The following SPINK8 variants were observed in gnomAD, a reference collection of about 807,000 sequenced individuals.
SPINK8 encodes the protein serine protease inhibitor Kazal-type 8.
SPINK8 carries 12 observed loss-of-function variants against 14.4 expected under a neutral mutation model. The ratio of observed to expected loss-of-function variants is 0.83; its 90% confidence interval spans 0.53 to 1.35. The LOEUF is 1.35. SPINK8 is among the 40% of genes most tolerant of loss of function. The probability of loss-of-function intolerance (pLI) is 0.00; values close to 1 mark genes in which losing one functional copy is unlikely to be tolerated. For missense variants in SPINK8, 103 were observed against 117.0 expected (o/e 0.88, Z 0.55); for synonymous variants, 32 against 37.6 (o/e 0.85, Z 0.55).
chr3:48,330,814 TAGTC>T (rs1196840112), intron 2 of SPINK8, among the ~76,000 whole-genome samples: 1 of 102,808 alleles, frequency 9.7e-6, no homozygotes, highest in Non-Finnish European at 2.6e-5. Context: ...TACAAATTCT[TAGTC>T]AGCCTAAGAA....
intron 7 of SPINK8, among the ~76,000 whole-genome samples, chr3:48,308,376 TAG>T (rs1163385290): frequency 1.3e-5 from 2 of 152,218 alleles, no homozygotes; most frequent in African/African-American, 4.8e-5. Context: ...AGAGCCTTGG[TAG>T]AGAGACAGAA....
At chr3:48,327,432 G>T (rs562428345) in intron 4 of SPINK8, among the ~76,000 whole-genome samples, 24 of 152,278 alleles carry the variant, frequency 1.6e-4, no homozygotes, top group Admixed American at 5.9e-4. Flanking sequence ...ACAAGGAAAG[G>T]GTGATTTGCA....
chr3:48,325,752 C>A (rs1001107280), intron 4 of SPINK8, among the ~76,000 whole-genome samples: 3 of 151,982 alleles, frequency 2.0e-5, no homozygotes, highest in Non-Finnish European at 2.9e-5. Context: ...CATGCACCAC[C>A]ATGGCTGGCT....
At chr3:48,333,033 G>T (rs1450976487) in intron 1 of SPINK8, among the ~76,000 whole-genome samples, 2 of 151,896 alleles carry the variant, frequency 1.3e-5, no homozygotes, top group African/African-American at 4.8e-5. Flanking sequence ...GTCATTATTA[G>T]TTGGGGAAGG....
intron 4 of SPINK8, among the ~76,000 whole-genome samples, chr3:48,326,308 T>C (rs2036140554): frequency 6.6e-6 from 1 of 152,134 alleles, no homozygotes; most frequent in Admixed American, 6.5e-5. Flanking sequence ...TTGAAACATT[T>C]ATCAAAATGT....
chr3:48,325,780 T>C (rs1575346537), intron 4 of SPINK8, among the ~76,000 whole-genome samples: 1 of 152,020 alleles, frequency 6.6e-6, no homozygotes, highest in East Asian at 1.9e-4. Flanking sequence ...GTATGTTTAG[T>C]AGAGATGGGG....
intron 6 of SPINK8, among the ~76,000 whole-genome samples, chr3:48,314,971 T>G (rs2035966883): frequency 1.3e-5 from 2 of 152,214 alleles, no homozygotes; most frequent in South Asian, 2.1e-4. Context: ...ACCACTAAAG[T>G]GTAGCTTTAA....
At chr3:48,313,315 G>A (rs2035947605) in intron 6 of SPINK8, among the ~76,000 whole-genome samples, 2 of 152,040 alleles carry the variant, frequency 1.3e-5, no homozygotes, top group African/African-American at 4.8e-5. Flanking sequence ...AATGGGCAAA[G>A]GACTTGAGTA....
intron 2 of SPINK8, among the ~76,000 whole-genome samples, chr3:48,331,169 G>A (rs958844089): frequency 1.3e-5 from 2 of 152,144 alleles, no homozygotes; most frequent in African/African-American, 4.8e-5. Flanking sequence ...GAAGTTCAGG[G>A]GCATATGGGT....
chr3:48,317,225 A>T lies in SPINK8; in HGVS notation c.239+2272T>A, dbSNP rs144045934. ...ATTTTTTGGCTGGGTGTAGTGGCTCATGCCTGTAATCCCAGCACTTTGGGA... is the reference window on the plus strand; with the variant it reads ...ATTTTTTGGCTGGGTGTAGTGGCTCTTGCCTGTAATCCCAGCACTTTGGGA... On this transcript the variant is annotated intron_variant, in intron 6 of 7. Coordinates refer to ENST00000434006, the MANE Select transcript of SPINK8 (RefSeq NM_001080525.3). 8.7e-3 allele frequency among the ~76,000 whole-genome samples: 1,330 copies of T among 152,330 alleles called. 15 individuals are homozygous for T. The highest frequency in any genetic ancestry group is 0.063 in the South Asian group (302 of 4,830).
At chr3:48,307,497 C>T (rs1457535645) in intron 7 of SPINK8, among the ~76,000 whole-genome samples, 1 of 147,998 alleles carries the variant, frequency 6.8e-6, no homozygotes, top group Non-Finnish European at 1.5e-5. Context: ...TTCTTTTCTT[C>T]TTTCTCTTCC....
At chr3:48,325,544 C>T (rs947372014) in intron 4 of SPINK8, among the ~76,000 whole-genome samples, 3 of 151,818 alleles carry the variant, frequency 2.0e-5, no homozygotes, top group Non-Finnish European at 4.4e-5. Flanking sequence ...CCTGCCTCAG[C>T]CTCCCCAGTA....
At chr3:48,317,576 C>T (rs540873460) in intron 6 of SPINK8, among the ~76,000 whole-genome samples, 86 of 151,896 alleles carry the variant, frequency 5.7e-4, no homozygotes, top group African/African-American at 1.8e-3. Flanking sequence ...AGTGCAGTGG[C>T]GCGATCTTGG....
At chr3:48,326,563 T>A (rs1453924721) in intron 4 of SPINK8, among the ~76,000 whole-genome samples, 1 of 149,690 alleles carries the variant, frequency 6.7e-6, no homozygotes, top group Non-Finnish European at 1.5e-5. Flanking sequence ...TCTGAGATGG[T>A]GCCACTGCAC....
chr3:48,325,300 A>G (rs969636747), intron 4 of SPINK8, among the ~76,000 whole-genome samples: 1 of 151,768 alleles, frequency 6.6e-6, no homozygotes, highest in Non-Finnish European at 1.5e-5. Flanking sequence ...TTTTATTGAT[A>G]TAGTTGGATT....
At chr3:48,316,018 A>G (rs2035987477) in intron 6 of SPINK8, among the ~76,000 whole-genome samples, 1 of 152,194 alleles carries the variant, frequency 6.6e-6, no homozygotes, top group African/African-American at 2.4e-5. Context: ...AATAATTATG[A>G]AGAAAAAAGA....
At chr3:48,319,443 G>T in intron 6 of SPINK8, 54 bp downstream of exon 6, 2 of 1,607,028 alleles carry the variant, frequency 1.2e-6, no homozygotes, top group South Asian at 2.2e-5. Context: ...ACCCTCTTTT[G>T]ACCACTCTTA....
At chr3:48,315,486 T>A (rs924668703) in intron 6 of SPINK8, among the ~76,000 whole-genome samples, 5 of 152,034 alleles carry the variant, frequency 3.3e-5, no homozygotes, top group African/African-American at 1.2e-4. Flanking sequence ...TTTGGGAGGC[T>A]GAGGCAGGTG....
At chr3:48,324,704 A>T (rs2036117205) in intron 4 of SPINK8, among the ~76,000 whole-genome samples, 1 of 152,208 alleles carries the variant, frequency 6.6e-6, no homozygotes, top group Non-Finnish European at 1.5e-5. Context: ...TTGTTTTATG[A>T]TCTAGGATAT....
Sources: allele counts gnomAD v4.1 joint callset (sites outside exome capture counted in the v4.1 genomes callset), GRCh38; gene constraint gnomAD v4.1.1; transcripts MANE v1.5; gene names NCBI Gene and HGNC (gene_info 2026-07-23, HGNC 2026-07-21).